The following CFAP36 variants were observed in gnomAD, a reference collection of about 807,000 sequenced individuals.
The protein encoded by CFAP36 is cilia- and flagella-associated protein 36.
CFAP36 carries 37 observed loss-of-function variants against 50.5 expected under a neutral mutation model. The ratio of observed to expected loss-of-function variants is 0.73; its 90% CI spans 0.56 to 0.96. CFAP36 has a LOEUF of 0.96. Ranked by LOEUF, CFAP36 falls within the 50% of genes least tolerant of loss-of-function variation. The pLI is 0.00. For synonymous variants in CFAP36, 138 were observed against 128.2 expected, an observed-to-expected ratio of 1.08 and a Z score of -0.52; for missense variants, 407 against 396.2, an observed-to-expected ratio of 1.03 and a Z score of -0.23.
intron 1 of CFAP36, chr2:55,520,364 C>A: frequency 6.7e-7 from 1 of 1,492,214 alleles, no homozygotes; most frequent in South Asian, 1.3e-5. Context: ...CCGGTGTAGT[C>A]AGCTTAGGAA....
intron 6 of CFAP36, chr2:55,535,968 ATACTTAACTGT>A: frequency 5.7e-6 from 6 of 1,044,812 alleles, no homozygotes; most frequent in Non-Finnish European, 7.7e-6. Flanking sequence ...AGTACTATAT[ATACTTAACTGT>A]ATATAGTACA....
At position 55,519,984 on chromosome 2, in the gene CFAP36, G is replaced by A. The variant is rs1018221996; in HGVS notation, c.115+68G>A. On this transcript the variant is annotated intron_variant, in intron 1 of 9. Transcript: ENST00000349456. ...CACACCAGCGGCGGGCAGGGGGTTG[G>A]TAACCACAAGCCATCTCTCGTCTCC... is the stretch of plus-strand genomic sequence containing the variant. The A allele has an allele frequency of 8.3e-6, 12 of 1,437,662 alleles. No individual in the cohort carries two copies. In the African/African-American group the frequency reaches 1.4e-4, roughly 17 times the overall value. The allele number at this position is 1,437,662 out of a possible 1,614,324, so 89.1% of individuals were successfully genotyped here. A position where few individuals can be genotyped will look rare whatever the true frequency, so the allele number is the denominator to read the frequency against.
chr2:55,523,929 A>T, intron 3 of CFAP36, 107 bp downstream of exon 3: 1 of 657,134 alleles, frequency 1.5e-6, no homozygotes, highest in Non-Finnish European at 2.5e-6. Context: ...TATTTTAGAC[A>T]TTGTGAGAGG....
At chr2:55,539,049 C>A in intron 7 of CFAP36, 2 of 634,530 alleles carry the variant, frequency 3.2e-6, no homozygotes, top group Non-Finnish European at 4.4e-6. Context: ...ACATGCCTAG[C>A]CTCTCCCATT....
At chr2:55,542,562 C>G (rs1452496825) in intron 7 of CFAP36, among the ~76,000 whole-genome samples, 2 of 152,122 alleles carry the variant, frequency 1.3e-5, no homozygotes, top group African/African-American at 4.8e-5. Flanking sequence ...TCTGATCTTC[C>G]CTTCCTAGAA....
Position 55,519,774 on chromosome 2 carries a change from A to G in CFAP36, c.-28A>G. On this transcript the variant is annotated 5_prime_UTR_variant, in exon 1 of 10. Transcript: ENST00000349456. Reference sequence around the variant, plus strand: ...CGGGGTCCGGCGGTCTGGCCTAGGGATCTTCCCCGTTGCCCCTTTGGGGCG... The same window carrying G: ...CGGGGTCCGGCGGTCTGGCCTAGGGGTCTTCCCCGTTGCCCCTTTGGGGCG... 6.2e-7 allele frequency: 1 copy of G among 1,612,048 alleles called. No individual in the cohort carries two copies. The highest frequency in any genetic ancestry group is 8.5e-7 in the Non-Finnish European group (1 of 1,178,166).
chr2:55,520,539 G>C (rs1684035494), intron 1 of CFAP36: 4 of 1,302,596 alleles, frequency 3.1e-6, no homozygotes, highest in Non-Finnish European at 4.2e-6. Context: ...ACCATTCTTG[G>C]AACAAATGAG....
chr2:55,519,933 G>T lies in CFAP36; in HGVS notation c.115+17G>T. 6.2e-7 allele frequency: 1 copy of T among 1,610,454 alleles called. No homozygotes were observed. The highest frequency in any genetic ancestry group is 8.5e-7 in the Non-Finnish European group (1 of 1,176,652). On this transcript the variant is annotated intron_variant, in intron 1 of 9. Coordinates refer to ENST00000349456, the MANE Select transcript of CFAP36 (RefSeq NM_080667.7). ...AATGTGAAGGTAAAAACCAGAGCCC[G>T]AACCGACAATCCTTTTCTCCTCTCT...
At chr2:55,535,913 T>A (rs1684471059) in intron 6 of CFAP36, 150 bp downstream of exon 6, 1 of 1,360,468 alleles carries the variant, frequency 7.4e-7, no homozygotes, top group East Asian at 2.7e-5. Context: ...AATATATCAA[T>A]AATTCTATGT....
Position 55,519,791 on chromosome 2 carries a change from T to A in CFAP36, c.-11T>A, listed in dbSNP as rs1414180771. 1.2e-6 allele frequency: 2 copies of A among 1,613,814 alleles called. No individual in the cohort carries two copies. The highest frequency in any genetic ancestry group is 1.7e-5 in the Admixed American group (1 of 60,016). The stretch of plus-strand genomic sequence containing the variant: ...GCCTAGGGATCTTCCCCGTTGCCCC[T>A]TTGGGGCGGGATGGCTGCGGAAGAA... On this transcript the variant is annotated 5_prime_UTR_variant, in exon 1 of 10. Transcript: ENST00000349456.
intron 9 of CFAP36, 120 bp from the exon 10 acceptor site, chr2:55,544,787 T>G: frequency 3.1e-6 from 2 of 641,088 alleles, no homozygotes; most frequent in South Asian, 4.2e-5. Flanking sequence ...TCTATGTCTG[T>G]CTCTCCCTCC....
At chr2:55,530,042 T>C (rs1684314595) in intron 4 of CFAP36, among the ~76,000 whole-genome samples, 1 of 152,192 alleles carries the variant, frequency 6.6e-6, no homozygotes. Context: ...TTTTTAACAA[T>C]GATATGGTTT....
chr2:55,544,650 G>A (rs375793886), intron 9 of CFAP36, among the ~76,000 whole-genome samples: 41 of 152,148 alleles, frequency 2.7e-4, no homozygotes, highest in African/African-American at 9.4e-4. Flanking sequence ...GTTTCACCTG[G>A]GCATTCTGAA....
intron 7 of CFAP36, among the ~76,000 whole-genome samples, chr2:55,540,036 T>C (rs1455510219): frequency 2.0e-5 from 3 of 152,232 alleles, no homozygotes; most frequent in Non-Finnish European, 4.4e-5. Flanking sequence ...TGAATAACAG[T>C]CCTTTATCAG....
At chr2:55,537,702 G>C in intron 7 of CFAP36, 117 bp downstream of exon 7, 1 of 672,018 alleles carries the variant, frequency 1.5e-6, no homozygotes, top group Non-Finnish European at 2.5e-6. Flanking sequence ...AGTATTGAAT[G>C]TCTTTGGTAT....
At chr2:55,532,195 C>T (rs950725089) in intron 4 of CFAP36, among the ~76,000 whole-genome samples, 1 of 150,632 alleles carries the variant, frequency 6.6e-6, no homozygotes, top group African/African-American at 2.4e-5. Context: ...GAGCAAGACC[C>T]TGTCTCAAAA....
At chr2:55,534,624 C>T (rs1262770970) in intron 5 of CFAP36, among the ~76,000 whole-genome samples, 1 of 152,106 alleles carries the variant, frequency 6.6e-6, no homozygotes, top group Non-Finnish European at 1.5e-5. Flanking sequence ...AGTAGTAGCT[C>T]CTAATTTTTA....
intron 7 of CFAP36, among the ~76,000 whole-genome samples, chr2:55,541,050 G>A (rs986394598): frequency 2.0e-5 from 3 of 152,030 alleles, no homozygotes; most frequent in Admixed American, 2.0e-4. Context: ...AAGGCCAGGA[G>A]TAGTGGCTCA....
At position 55,544,264 on chromosome 2, in the gene CFAP36, C is replaced by G. The variant is rs1314761540; in HGVS notation, c.822C>G (p.His274Gln). 7 of 1,613,844 alleles carry G rather than the reference C, an allele frequency of 4.3e-6. No homozygotes were observed. The highest frequency in any genetic ancestry group is 5.9e-6 in the Non-Finnish European group (7 of 1,179,914). Residue 274 changes from histidine (H) to glutamine (Q), a missense_variant, in exon 9 of 10, where the codon CAC becomes CAG. Coordinates refer to ENST00000349456, the MANE Select transcript of CFAP36 (RefSeq NM_080667.7). ...LGTEELRQRE[H>Q]YLKQKRDKLM... ...CAGAAGAACTTCGGCAACGAGAACACTATCTCAAGCAGAAGAGAGATAAGT... is the reference window on the plus strand; with the variant it reads ...CAGAAGAACTTCGGCAACGAGAACAGTATCTCAAGCAGAAGAGAGATAAGT...
Sources: gnomAD v4.1 joint callset for allele counts (sites outside exome capture counted in the v4.1 genomes callset) on GRCh38, gnomAD v4.1.1 for gene constraint, MANE v1.5 for transcripts, NCBI Gene and HGNC (gene_info 2026-07-23, HGNC 2026-07-21) for gene names.